Variants in RGS6 observed in about 807,000 individuals in gnomAD.
RGS6 encodes regulator of G protein signaling 6.
RGS6 carries 30 observed loss-of-function variants against 78.5 expected under a neutral mutation model. That is an observed-to-expected ratio of 0.38 (90% CI 0.29 to 0.52). The LOEUF (loss-of-function observed/expected upper bound fraction) is 0.52, where lower values mean the gene tolerates loss of function less well. Ranked by LOEUF, RGS6 falls within the 20% of genes least tolerant of loss-of-function variation. The pLI is 0.85. For synonymous variants in RGS6, 206 were observed against 206.0 expected (o/e 1.00, Z 0.00); for missense variants, 495 against 609.7 (o/e 0.81, Z 1.98).
chr14:72,323,088 A>G lies in RGS6; in HGVS notation c.85-29007A>G, dbSNP rs546231751. ...AAAAATAAGCAGAGTAATTTTAACC[A>G]GGAGTTAAAATTATCATATATGCAG... On this transcript the variant is annotated intron_variant, in intron 2 of 17. Transcript: ENST00000553525. Among the ~76,000 whole-genome samples the G allele has an allele frequency of 2.0e-5, 3 of 152,294 alleles. No individual in the cohort carries two copies. In the East Asian group the frequency reaches 5.8e-4, roughly 29 times the overall value.
At chr14:72,259,100 C>A (rs527484013) in intron 2 of RGS6, among the ~76,000 whole-genome samples, 4 of 152,302 alleles carry the variant, frequency 2.6e-5, no homozygotes, top group African/African-American at 7.2e-5. Context: ...CCTATAGTGT[C>A]TGCTACACAG....
chr14:72,162,277 A>C (rs2096863140), intron 2 of RGS6, among the ~76,000 whole-genome samples: 2 of 152,208 alleles, frequency 1.3e-5, no homozygotes, highest in Non-Finnish European at 2.9e-5. Context: ...TGTGTTTAGA[A>C]AAATACCTTT....
chr14:72,166,482 C>T (rs1250649837), intron 2 of RGS6, among the ~76,000 whole-genome samples: 1 of 152,116 alleles, frequency 6.6e-6, no homozygotes, highest in Non-Finnish European at 1.5e-5. Context: ...TGTTGTTTCA[C>T]ATACTCAGGA....
rs1236901076 is a variant in RGS6, at chr14:72,566,493, C to T, written c.*4026C>T. ...GACCCCAGAACCAAACATGCTGGTA[C>T]AGTCTAAAAATAAATGACTTGAACC... On this transcript the variant is annotated 3_prime_UTR_variant, in exon 18 of 18. Coordinates refer to ENST00000553525, the MANE Select transcript of RGS6 (RefSeq NM_001204424.2). The T allele has an allele frequency of 1.3e-5, 2 of 152,298 alleles. 1 individual carries two copies. The highest frequency in any genetic ancestry group is 4.2e-4 in the South Asian group (2 of 4,816). The allele number at this position is 152,298 out of a possible 1,614,324, so 9.4% of individuals were successfully genotyped here. A position where few individuals can be genotyped will look rare whatever the true frequency, so the allele number is the denominator to read the frequency against.
intron 2 of RGS6, among the ~76,000 whole-genome samples, chr14:72,327,314 C>T (rs1349586898): frequency 6.6e-6 from 1 of 152,116 alleles, no homozygotes; most frequent in Non-Finnish European, 1.5e-5. Context: ...CAGAACTCCC[C>T]CATCCCAGGG....
intron 12 of RGS6, among the ~76,000 whole-genome samples, chr14:72,486,725 A>C (rs2096493985): frequency 6.6e-6 from 1 of 152,170 alleles, no homozygotes; most frequent in Admixed American, 6.5e-5. Context: ...ATCTTATCCT[A>C]TGTGGCCAAC....
chr14:72,216,681 T>C (rs2045647472), intron 2 of RGS6, among the ~76,000 whole-genome samples: 1 of 152,218 alleles, frequency 6.6e-6, no homozygotes, highest in Admixed American at 6.5e-5. Flanking sequence ...GGAACAGTTC[T>C]GGCGAAATAA....
intron 3 of RGS6, among the ~76,000 whole-genome samples, chr14:72,355,284 C>G (rs745708234): frequency 6.6e-6 from 1 of 151,868 alleles, no homozygotes; most frequent in Non-Finnish European, 1.5e-5. Flanking sequence ...ACCCCCACCT[C>G]CTGGGTTCAA....
chr14:72,318,898 G>C (rs989572048), intron 2 of RGS6, among the ~76,000 whole-genome samples: 2 of 152,156 alleles, frequency 1.3e-5, no homozygotes, highest in Non-Finnish European at 2.9e-5. Context: ...CCTGTTGGCC[G>C]AGAAGAAGCA....
intron 2 of RGS6, among the ~76,000 whole-genome samples, chr14:72,051,038 A>G (rs781530932): frequency 2.6e-5 from 4 of 152,174 alleles, no homozygotes; most frequent in Non-Finnish European, 5.9e-5. Context: ...ATCCATGTAC[A>G]TCTTTTGAAA....
In RGS6 at chr14:72,510,259, A is replaced by G. The variant is rs2096861918; in HGVS notation, c.1071A>G (p.Glu357=). Residue 357 remains glutamate (E), a synonymous_variant, in exon 14 of 18, where the codon GAA becomes GAG. Transcript: ENST00000553525. ...RDQFLRFLES[E]FSSENLRFWL... is the part of the protein sequence containing the mutation. ...AGTTTCTACGATTCCTGGAGTCCGA[A>G]TTCAGTTCAGAAAACCTCAGGTAAA... The G allele has an allele frequency of 1.2e-6, 2 of 1,614,086 alleles. No individual in the cohort carries two copies. Among genetic ancestry groups the G allele is most frequent in the Non-Finnish European group, 1.7e-6 (2 of 1,180,042 alleles).
chr14:71,963,040 C>G (rs901491947), intron 1 of RGS6, among the ~76,000 whole-genome samples: 5 of 152,168 alleles, frequency 3.3e-5, no homozygotes, highest in Admixed American at 1.3e-4. Flanking sequence ...GCTTTATACT[C>G]TGCTCTCATA....
downstream of RGS6, among the ~76,000 whole-genome samples, chr14:72,571,260 G>C (rs1186595195): frequency 6.6e-6 from 1 of 152,166 alleles, no homozygotes; most frequent in African/African-American, 2.4e-5. Flanking sequence ...AAGGATTAAA[G>C]ACTAGGGTCC....
chr14:72,248,087 G>C (rs1296790005), intron 2 of RGS6, among the ~76,000 whole-genome samples: 1 of 152,204 alleles, frequency 6.6e-6, no homozygotes, highest in Non-Finnish European at 1.5e-5. Flanking sequence ...TAAGCCAACA[G>C]TTCTCAAAAT....
intron 2 of RGS6, among the ~76,000 whole-genome samples, chr14:72,072,226 T>C (rs1442175113): frequency 6.6e-6 from 1 of 152,166 alleles, no homozygotes; most frequent in Non-Finnish European, 1.5e-5. Flanking sequence ...TCAATGGACC[T>C]TCTCCTTCTC....
At chr14:72,297,165 T>C (rs553378912) in intron 2 of RGS6, among the ~76,000 whole-genome samples, 1 of 152,104 alleles carries the variant, frequency 6.6e-6, no homozygotes, top group Non-Finnish European at 1.5e-5. Flanking sequence ...AACCACACTC[T>C]TGATTTGTAT....
intron 2 of RGS6, among the ~76,000 whole-genome samples, chr14:72,339,762 C>A (rs982223219): frequency 6.6e-6 from 1 of 152,014 alleles, no homozygotes; most frequent in African/African-American, 2.4e-5. Context: ...CTGGTGTGTT[C>A]GGAGGCAGCA....
At chr14:72,240,478 C>T (rs1368615829) in intron 2 of RGS6, among the ~76,000 whole-genome samples, 1 of 152,196 alleles carries the variant, frequency 6.6e-6, no homozygotes, top group Admixed American at 6.5e-5. Flanking sequence ...TTTCAAGTGA[C>T]TCTTGGAGCT....
intron 2 of RGS6, among the ~76,000 whole-genome samples, chr14:72,178,359 T>G (rs774031729): frequency 6.6e-6 from 1 of 152,162 alleles, no homozygotes; most frequent in Non-Finnish European, 1.5e-5. Flanking sequence ...GGACACCCCT[T>G]TCCCCCTCAG....
Sources: allele counts gnomAD v4.1 joint callset (sites outside exome capture counted in the v4.1 genomes callset), GRCh38; gene constraint gnomAD v4.1.1; transcripts MANE v1.5; gene names NCBI Gene and HGNC (gene_info 2026-07-23, HGNC 2026-07-21).